NUDT3: variants seen among roughly 807,000 people sequenced by gnomAD.
The protein encoded by NUDT3 is diphosphoinositol polyphosphate phosphohydrolase 1.
Under a neutral mutation model 23.6 loss-of-function variants are expected in NUDT3, and 9 were observed. That is an observed-to-expected ratio of 0.38 (90% CI 0.23 to 0.66). The LOEUF is 0.66. NUDT3 is among the 30% of genes least tolerant of loss of function. NUDT3 has a pLI of 0.52. For missense variants in NUDT3, 172 were observed against 218.5 expected, an observed-to-expected ratio of 0.79 and a Z score of 1.34; for synonymous variants, 86 against 82.6, an observed-to-expected ratio of 1.04 and a Z score of -0.22.
chr6:34,316,777 A>C (rs968453723), intron 2 of NUDT3, among the ~76,000 whole-genome samples: 9 of 152,166 alleles, frequency 5.9e-5, no homozygotes, highest in African/African-American at 2.2e-4. Flanking sequence ...GCACAGTGAG[A>C]AAGAGAGGGG....
rs905490243 is a variant in NUDT3 at position 34,286,528 on chromosome 6, T to C, written c.*2225A>G. 2 of 152,198 alleles carry C rather than the reference T, an allele frequency of 1.3e-5. No homozygotes were observed. The highest frequency in any genetic ancestry group is 4.8e-5 in the African/African-American group (2 of 41,444). The allele number at this position is 152,198 out of a possible 1,614,324, so 9.4% of individuals were successfully genotyped here. Reference sequence around the variant, plus strand: ...TCTACTTTATTTTGCCCTTTATTTATTTGAACAGAACTTTAGAATGCTCTA... The same window carrying C: ...TCTACTTTATTTTGCCCTTTATTTACTTGAACAGAACTTTAGAATGCTCTA... On this transcript the variant is annotated 3_prime_UTR_variant, in exon 5 of 5. Coordinates refer to ENST00000607016, the MANE Select transcript of NUDT3 (RefSeq NM_006703.4).
At chr6:34,380,023 T>C (rs766930051) in intron 1 of NUDT3, among the ~76,000 whole-genome samples, 8 of 151,904 alleles carry the variant, frequency 5.3e-5, no homozygotes, top group Non-Finnish European at 8.8e-5. Flanking sequence ...AAATAGTAAA[T>C]ACATATTAAA....
chr6:34,382,394 C>A (rs761755530), intron 1 of NUDT3, among the ~76,000 whole-genome samples: 20 of 152,158 alleles, frequency 1.3e-4, no homozygotes, highest in Admixed American at 3.3e-4. Context: ...CAGACCCAGA[C>A]CCTGTCTCAA....
At position 34,280,643 on chromosome 6, in the gene NUDT3, C is replaced by G. The variant is rs1243608814; in HGVS notation, c.*8110G>C. 2.0e-5 allele frequency: 3 copies of G among 152,240 alleles called. No homozygotes were observed. The highest frequency in any genetic ancestry group is 7.2e-5 in the African/African-American group (3 of 41,460). 9.4% of individuals were successfully genotyped at this position (152,240 alleles called of 1,614,324 possible). A position where few individuals can be genotyped will look rare whatever the true frequency, so the allele number is the denominator to read the frequency against. ...CCCTTTCTACAATTATGAACACACT[C>G]TCTAAACAGGAGATCTATATATGCT... On this transcript the variant is annotated 3_prime_UTR_variant, in exon 5 of 5. Transcript: ENST00000607016.
chr6:34,307,693 A>G (rs932003217), intron 2 of NUDT3, among the ~76,000 whole-genome samples: 1 of 152,230 alleles, frequency 6.6e-6, no homozygotes, highest in African/African-American at 2.4e-5. Flanking sequence ...AAGATGCTCA[A>G]TTAAAACCAC....
rs535349190 is a variant in NUDT3, at chr6:34,304,975, ATTTTT to A, written c.211-9295_211-9291del. ...GCATGAGCCACTGTGCCCGGTCTGA[ATTTTT>A]TTTTTTTTTTTTTTTTTTTTGAGAC... On this transcript the variant is annotated intron_variant, in intron 2 of 4. Transcript: ENST00000607016. 4.1e-3 allele frequency among the ~76,000 whole-genome samples: 351 copies of A among 85,338 alleles called. 3 individuals are homozygous for A. The Middle Eastern group carries it at 0.054, about 13-fold the overall frequency. The allele number at this position is 85,338 out of a possible 152,430, so 56.0% of individuals were successfully genotyped here.
Position 34,294,663 on chromosome 6 carries a change from T to C in NUDT3, c.255+978A>G, listed in dbSNP as rs541144884. 4.6e-5 allele frequency among the ~76,000 whole-genome samples: 7 copies of C among 151,510 alleles called. No individual in the cohort carries two copies. The South Asian group carries it at 1.5e-3, about 32-fold the overall frequency. On this transcript the variant is annotated intron_variant, in intron 3 of 4. Transcript: ENST00000607016. ...ATCACTTGAACCTGGGAGGCGGAGG[T>C]TGTGGTGAGCCGACATCGCACCATT...
intron 2 of NUDT3, among the ~76,000 whole-genome samples, chr6:34,315,176 G>A (rs1004204073): frequency 1.3e-5 from 2 of 152,118 alleles, no homozygotes; most frequent in African/African-American, 4.8e-5. Context: ...AGGGAGTGGG[G>A]GGAACAAACA....
intron 2 of NUDT3, among the ~76,000 whole-genome samples, chr6:34,297,518 A>G (rs2113697243): frequency 6.7e-6 from 1 of 148,392 alleles, no homozygotes; most frequent in African/African-American, 2.5e-5. Flanking sequence ...GGCAGATGAG[A>G]GCCTTGGGGG....
intron 1 of NUDT3, among the ~76,000 whole-genome samples, chr6:34,363,354 G>T (rs1764677831): frequency 1.3e-5 from 2 of 152,118 alleles, no homozygotes; most frequent in South Asian, 4.2e-4. Context: ...TTCACTCAAG[G>T]CAGGCAACTA....
intron 2 of NUDT3, among the ~76,000 whole-genome samples, chr6:34,319,660 A>C (rs1180912391): frequency 6.6e-6 from 1 of 152,216 alleles, no homozygotes; most frequent in Non-Finnish European, 1.5e-5. Context: ...GATTGAACAC[A>C]AAGGGTATGA....
intron 1 of NUDT3, among the ~76,000 whole-genome samples, chr6:34,356,102 T>C (rs182810358): frequency 4.9e-4 from 74 of 152,292 alleles, no homozygotes; most frequent in African/African-American, 1.6e-3. Flanking sequence ...TCTGTGATAC[T>C]GGACATCTTA....
In NUDT3 at chr6:34,374,514, G is replaced by A. The variant is rs192167698; in HGVS notation, c.99+17750C>T. On this transcript the variant is annotated intron_variant, in intron 1 of 4. Transcript: ENST00000607016. ...TCACATATCAGTCTGTCTTTGTGAC[G>A]CTGTTATGATCAGCATCTGATTTTT... 3.3e-3 allele frequency among the ~76,000 whole-genome samples: 502 copies of A among 152,006 alleles called. 5 individuals carry two copies. Among genetic ancestry groups the A allele is most frequent in the Admixed American group, 7.6e-3 (116 of 15,262 alleles).
At chr6:34,319,163 TGGA>T (rs936221839) in intron 2 of NUDT3, among the ~76,000 whole-genome samples, 18 of 152,126 alleles carry the variant, frequency 1.2e-4, no homozygotes, top group Middle Eastern at 3.2e-3. Context: ...ACAAAATGTG[TGGA>T]GGTTTTCCTC....
chr6:34,392,228 C>G (rs1235758749), intron 1 of NUDT3, 36 bp downstream of exon 1: 1 of 1,522,452 alleles, frequency 6.6e-7, no homozygotes, highest in Admixed American at 2.0e-5. Context: ...GGGCCGGAGA[C>G]CCGGCGACCC....
chr6:34,356,852 A>G (rs1253492723), intron 1 of NUDT3, among the ~76,000 whole-genome samples: 1 of 151,980 alleles, frequency 6.6e-6, no homozygotes, highest in African/African-American at 2.4e-5. Flanking sequence ...ATCTTGGCTC[A>G]CTGCAAGCTC....
In NUDT3 at chr6:34,281,976, ACT is replaced by A. The variant is rs1763285299; in HGVS notation, c.*6775_*6776del. The stretch of plus-strand genomic sequence containing the variant: ...TCCTTTTTACTTCAGCACTTTGGAA[ACT>A]CTCCAAGACTTAACTTCCGATCTGG... On this transcript the variant is annotated 3_prime_UTR_variant, in exon 5 of 5. Transcript: ENST00000607016. The A allele has an allele frequency of 6.6e-6, 1 of 151,556 alleles. No individual in the cohort carries two copies. The highest frequency in any genetic ancestry group is 6.6e-5 in the Admixed American group (1 of 15,210). The allele number at this position is 151,556 out of a possible 1,614,324, so 9.4% of individuals were successfully genotyped here.
chr6:34,284,501 TAAAA>T lies in NUDT3; in HGVS notation c.*4248_*4251del, dbSNP rs956663303. On this transcript the variant is annotated 3_prime_UTR_variant, in exon 5 of 5. Coordinates refer to ENST00000607016, the MANE Select transcript of NUDT3 (RefSeq NM_006703.4). The stretch of plus-strand genomic sequence containing the variant: ...TGGCTATTAAATCCTTTTTGTGAAC[TAAAA>T]AAAGTGAATGTGGCTTAGGCTAAGC... 6.7e-6 allele frequency: 1 copy of T among 148,536 alleles called. No individual in the cohort carries two copies. Among genetic ancestry groups the T allele is most frequent in the Non-Finnish European group, 1.5e-5 (1 of 67,314 alleles). The allele number at this position is 148,536 out of a possible 1,614,324, so 9.2% of individuals were successfully genotyped here.
intron 2 of NUDT3, among the ~76,000 whole-genome samples, chr6:34,307,882 G>A (rs1763705548): frequency 6.6e-6 from 1 of 151,898 alleles, no homozygotes; most frequent in African/African-American, 2.4e-5. Context: ...ACTTTGGGCG[G>A]CTGAGGCAGA....
Sources: allele counts gnomAD v4.1 joint callset (sites outside exome capture counted in the v4.1 genomes callset), GRCh38; gene constraint gnomAD v4.1.1; transcripts MANE v1.5; gene names NCBI Gene and HGNC (gene_info 2026-07-23, HGNC 2026-07-21).